DNM3: variants seen among roughly 807,000 people sequenced by gnomAD.
The protein encoded by DNM3 is dynamin-3.
DNM3 carries 47 observed loss-of-function variants against 101.6 expected under a neutral mutation model. That is an observed-to-expected ratio of 0.46 (90% confidence interval 0.37 to 0.59). DNM3 has a LOEUF of 0.59. Ranked by LOEUF, DNM3 falls within the 20% of genes least tolerant of loss-of-function variation. The probability of loss-of-function intolerance (pLI) is 0.00; values close to 1 mark genes in which losing one functional copy is unlikely to be tolerated. For missense variants in DNM3, 849 were observed against 1,085.7 expected, an observed-to-expected ratio of 0.78 and a Z score of 3.06; for synonymous variants, 385 against 387.9, an observed-to-expected ratio of 0.99 and a Z score of 0.09.
intron 14 of DNM3, among the ~76,000 whole-genome samples, chr1:172,189,434 C>T (rs1204271749): frequency 6.6e-6 from 1 of 151,958 alleles, no homozygotes; most frequent in African/African-American, 2.4e-5. Context: ...ATCTATAGAT[C>T]AAGTTGAGGA....
intron 10 of DNM3, among the ~76,000 whole-genome samples, chr1:172,057,699 A>T (rs968951831): frequency 6.6e-6 from 1 of 151,810 alleles, no homozygotes; most frequent in Admixed American, 6.6e-5. Flanking sequence ...AGGAAGCACT[A>T]AACATGGAAA....
intron 2 of DNM3, among the ~76,000 whole-genome samples, chr1:171,928,059 G>C (rs1051868575): frequency 1.2e-4 from 19 of 152,184 alleles, no homozygotes; most frequent in Non-Finnish European, 2.6e-4. Flanking sequence ...GTGCAGGGTT[G>C]TTCTTTGAAG....
At chr1:171,936,989 T>G (rs1190295645) in intron 2 of DNM3, among the ~76,000 whole-genome samples, 4 of 151,788 alleles carry the variant, frequency 2.6e-5, no homozygotes, top group Non-Finnish European at 5.9e-5. Context: ...ACAACAATAC[T>G]CAGGAGTCAC....
intron 15 of DNM3, among the ~76,000 whole-genome samples, chr1:172,285,438 C>A (rs190900802): frequency 6.6e-6 from 1 of 152,036 alleles, no homozygotes; most frequent in Non-Finnish European, 1.5e-5. Flanking sequence ...ATGAAGGTGG[C>A]GGTGGTGTTG....
At chr1:172,102,808 C>T (rs2054744279) in intron 13 of DNM3, among the ~76,000 whole-genome samples, 1 of 152,074 alleles carries the variant, frequency 6.6e-6, no homozygotes, top group South Asian at 2.1e-4. Flanking sequence ...CTTTGATGCT[C>T]TCTGTTTTAC....
rs372665156 is a variant in DNM3 at position 172,183,000 on chromosome 1, T to C, written c.1659+51712T>C. Among the ~76,000 whole-genome samples, 9 of 152,188 alleles carry C rather than the reference T, an allele frequency of 5.9e-5. No homozygotes were observed. In the East Asian group the frequency reaches 1.6e-3, roughly 26 times the overall value. ...AGTATAGTTTCTATCAAAAAAAATT[T>C]CTTAGTTCCTTTACCAAGAACTGGT... On this transcript the variant is annotated intron_variant, in intron 14 of 20. Coordinates refer to ENST00000627582, the MANE Select transcript of DNM3 (RefSeq NM_015569.5).
At chr1:172,239,524 T>G (rs1047191276) in intron 14 of DNM3, among the ~76,000 whole-genome samples, 15 of 152,196 alleles carry the variant, frequency 9.9e-5, no homozygotes, top group African/African-American at 3.6e-4. Flanking sequence ...ACATAGCTAG[T>G]GTCAGAGCTC....
chr1:171,938,020 C>T (rs1571718266), intron 2 of DNM3, among the ~76,000 whole-genome samples: 2 of 136,750 alleles, frequency 1.5e-5, no homozygotes, highest in South Asian at 4.7e-4. Context: ...TTCCTTCTTC[C>T]TTTTAATAGA....
At chr1:171,900,944 TA>T (rs11464977) in intron 1 of DNM3, among the ~76,000 whole-genome samples, 25 of 143,966 alleles carry the variant, frequency 1.7e-4, no homozygotes, top group Non-Finnish European at 2.9e-4. Context: ...CAGTCTCTAC[TA>T]AAAAAAAAAT....
chr1:171,975,120 G>T (rs2044279744), intron 2 of DNM3, among the ~76,000 whole-genome samples: 1 of 151,976 alleles, frequency 6.6e-6, no homozygotes, highest in South Asian at 2.1e-4. Flanking sequence ...GCCTCCCAAA[G>T]CAGTAGGATT....
chr1:172,146,759 C>CA (rs1396214575), intron 14 of DNM3, among the ~76,000 whole-genome samples: 6 of 152,170 alleles, frequency 3.9e-5, no homozygotes, highest in African/African-American at 1.4e-4. Flanking sequence ...GCTTCTGCCA[C>CA]AGAAAGTGAA....
intron 12 of DNM3, among the ~76,000 whole-genome samples, chr1:172,082,736 A>C (rs866868432): frequency 6.6e-6 from 1 of 152,246 alleles, no homozygotes; most frequent in Non-Finnish European, 1.5e-5. Flanking sequence ...ATTTTATTAC[A>C]TTCTGACTTA....
chr1:172,089,577 A>C (rs1286907074), intron 12 of DNM3, among the ~76,000 whole-genome samples: 1 of 152,254 alleles, frequency 6.6e-6, no homozygotes, highest in Non-Finnish European at 1.5e-5. Flanking sequence ...AAGTAACTTC[A>C]AGTAGCTAAA....
chr1:172,156,606 C>A (rs2058348629), intron 14 of DNM3, among the ~76,000 whole-genome samples: 1 of 150,192 alleles, frequency 6.7e-6, no homozygotes, highest in Non-Finnish European at 1.5e-5. Context: ...ATTTTTTTCT[C>A]CTCCTTTCCC....
intron 14 of DNM3, among the ~76,000 whole-genome samples, chr1:172,175,057 A>G (rs984066862): frequency 6.6e-6 from 1 of 151,720 alleles, no homozygotes; most frequent in African/African-American, 2.4e-5. Context: ...AACAAGTACC[A>G]GGGAATTTTA....
At chr1:171,892,489 A>G (rs113494258) in intron 1 of DNM3, among the ~76,000 whole-genome samples, 4 of 152,344 alleles carry the variant, frequency 2.6e-5, no homozygotes, top group African/African-American at 9.6e-5. Context: ...TGTTAAGCTA[A>G]ATATGAGTTT....
chr1:172,375,292 G>T (rs2068542579), intron 17 of DNM3, among the ~76,000 whole-genome samples: 1 of 151,982 alleles, frequency 6.6e-6, no homozygotes. Flanking sequence ...ACTATATTTG[G>T]TCATCCTGGT....
chr1:172,123,016 AC>A (rs1378957863), intron 13 of DNM3, among the ~76,000 whole-genome samples: 4 of 152,192 alleles, frequency 2.6e-5, no homozygotes, highest in African/African-American at 9.7e-5. Context: ...AGCCATTGTT[AC>A]TATTCCTGAA....
At chr1:172,148,192 C>T (rs545983003) in intron 14 of DNM3, among the ~76,000 whole-genome samples, 1 of 152,148 alleles carries the variant, frequency 6.6e-6, no homozygotes, top group East Asian at 1.9e-4. Context: ...GCTGCGCTTT[C>T]ACAGTTTTGT....
Sources: gnomAD v4.1 joint callset for allele counts (sites outside exome capture counted in the v4.1 genomes callset) on GRCh38, gnomAD v4.1.1 for gene constraint, MANE v1.5 for transcripts, NCBI Gene and HGNC (gene_info 2026-07-23, HGNC 2026-07-21) for gene names.